The following CCDC148 variants were observed in gnomAD, a reference collection of about 807,000 sequenced individuals.
The protein encoded by CCDC148 is coiled-coil domain containing 148, also known as coiled-coil domain-containing protein 148.
In CCDC148, 89 loss-of-function variants were observed where a neutral mutation model predicts 85.7. That is an observed-to-expected ratio of 1.04 (90% CI 0.87 to 1.24). The LOEUF (loss-of-function observed/expected upper bound fraction) is 1.24. Among genes scored for constraint, CCDC148 ranks in the 50% most tolerant of loss-of-function variants. The pLI, the probability that CCDC148 is intolerant of heterozygous loss-of-function variation, is 0.00. For synonymous variants in CCDC148, 230 were observed against 213.9 expected (o/e 1.08, Z -0.66); for missense variants, 692 against 671.7 (o/e 1.03, Z -0.33).
chr2:158,187,866 A>G (rs1685228840), intron 11 of CCDC148, among the ~76,000 whole-genome samples: 1 of 151,918 alleles, frequency 6.6e-6, no homozygotes, highest in Non-Finnish European at 1.5e-5. Context: ...TTGAGCTTTT[A>G]TTTGTTCTTT....
intron 1 of CCDC148, among the ~76,000 whole-genome samples, chr2:158,451,391 G>A (rs1688398854): frequency 6.6e-6 from 1 of 152,076 alleles, no homozygotes; most frequent in Admixed American, 6.6e-5. Context: ...AATTTTGGAT[G>A]ACATCTGATT....
intron 9 of CCDC148, among the ~76,000 whole-genome samples, chr2:158,278,970 C>T (rs551858166): frequency 1.4e-4 from 22 of 152,272 alleles, no homozygotes; most frequent in African/African-American, 4.3e-4. Context: ...TCATGGCTCA[C>T]GAAAAACCAC....
At chr2:158,380,904 T>C (rs1022195126) in intron 1 of CCDC148, 2 of 152,128 alleles carry the variant, frequency 1.3e-5, no homozygotes, top group African/African-American at 4.8e-5. Flanking sequence ...CCTGGTTCTG[T>C]TGGATACCCA....
At chr2:158,400,529 T>C (rs1574755802) in intron 1 of CCDC148, among the ~76,000 whole-genome samples, 2 of 152,032 alleles carry the variant, frequency 1.3e-5, no homozygotes, top group Admixed American at 1.3e-4. Context: ...AACTGGATCC[T>C]TTCCTTACAC....
intron 13 of CCDC148, among the ~76,000 whole-genome samples, chr2:158,173,748 C>A (rs1209806129): frequency 6.6e-6 from 1 of 152,030 alleles, no homozygotes; most frequent in African/African-American, 2.4e-5. Flanking sequence ...GGTTTTTCCT[C>A]TTCTGTCTCA....
rs777356867 is a variant in CCDC148 at position 158,323,919 on chromosome 2, C to CTTTTTTTT, written c.765-10033_765-10026dup. 4.3e-4 allele frequency among the ~76,000 whole-genome samples: 36 copies of CTTTTTTTT among 82,970 alleles called. 2 individuals are homozygous for CTTTTTTTT. The highest frequency in any genetic ancestry group is 7.6e-4 in the African/African-American group (18 of 23,642). 54.4% of individuals were successfully genotyped at this position (82,970 alleles called of 152,430 possible). A position where few individuals can be genotyped will look rare whatever the true frequency, so the allele number is the denominator to read the frequency against. ...GTCTAATTTCACCACCTGGGAATAA[C>CTTTTTTTT]TTTTTTTTTTTTTTTTTTTTTTTTT... On this transcript the variant is annotated intron_variant, in intron 7 of 13. Coordinates refer to ENST00000283233, the MANE Select transcript of CCDC148 (RefSeq NM_138803.4).
chr2:158,269,859 G>C (rs1689624484), intron 9 of CCDC148, among the ~76,000 whole-genome samples: 1 of 152,146 alleles, frequency 6.6e-6, no homozygotes, highest in South Asian at 2.1e-4. Flanking sequence ...CTCCACTTTA[G>C]GTGCTATCCC....
At chr2:158,376,198 A>G (rs1684643276) in intron 1 of CCDC148, among the ~76,000 whole-genome samples, 1 of 152,104 alleles carries the variant, frequency 6.6e-6, no homozygotes, top group South Asian at 2.1e-4. Flanking sequence ...ATCTAGCAAA[A>G]TTTCCTGTCT....
chr2:158,339,028 G>C lies in CCDC148; in HGVS notation c.544C>G (p.Gln182Glu), dbSNP rs1196988940. Residue 182 changes from glutamine (Q) to glutamate (E), a missense_variant, in exon 6 of 14, where the codon CAG (glutamine) becomes GAG (glutamate). Transcript: ENST00000283233. ...TCTGAAAGATCATTTTCTATTCTCTGTTGCTCCAGCCTAAGTCTTTCAAAG... is the reference window on the plus strand; with the variant it reads ...TCTGAAAGATCATTTTCTATTCTCTCTTGCTCCAGCCTAAGTCTTTCAAAG... ...TVFERLRLEQ[Q>E]RIENDLSDWS... is the part of the protein sequence containing the mutation. The C allele has an allele frequency of 6.2e-7, 1 of 1,613,782 alleles. No homozygotes were observed. Among genetic ancestry groups the C allele is most frequent in the South Asian group, 1.1e-5 (1 of 91,066 alleles).
At chr2:158,239,193 A>G (rs1688241886) in intron 10 of CCDC148, among the ~76,000 whole-genome samples, 1 of 152,158 alleles carries the variant, frequency 6.6e-6, no homozygotes, top group African/African-American at 2.4e-5. Flanking sequence ...AAAAATTTAT[A>G]CCTGGAGTTA....
chr2:158,431,945 G>C (rs1416258066), intron 1 of CCDC148, among the ~76,000 whole-genome samples: 1 of 151,802 alleles, frequency 6.6e-6, no homozygotes. Context: ...AATGATACCA[G>C]ATGGAAAAAA....
chr2:158,365,982 TA>T, intron 1 of CCDC148: 1 of 1,414,690 alleles, frequency 7.1e-7, no homozygotes, highest in Non-Finnish European at 9.6e-7. Context: ...CCACTGTAAA[TA>T]ATAAAACAGA....
At chr2:158,322,435 C>G (rs1336506687) in intron 7 of CCDC148, among the ~76,000 whole-genome samples, 1 of 151,834 alleles carries the variant, frequency 6.6e-6, no homozygotes, top group Non-Finnish European at 1.5e-5. Flanking sequence ...CAGGAAAAAT[C>G]AGTAGATATG....
At chr2:158,347,224 G>A (rs940868182) in intron 2 of CCDC148, among the ~76,000 whole-genome samples, 1 of 151,916 alleles carries the variant, frequency 6.6e-6, no homozygotes, top group Admixed American at 6.6e-5. Context: ...GGTACATATT[G>A]TACAAAAAAA....
intron 1 of CCDC148, 92 bp downstream of exon 1, chr2:158,456,323 G>A (rs1305110236): frequency 3.9e-6 from 5 of 1,277,784 alleles, no homozygotes; most frequent in Non-Finnish European, 5.6e-6. Context: ...AGGGAAGGGG[G>A]AGTGGCTGCA....
At chr2:158,403,177 AT>A (rs539306834) in intron 1 of CCDC148, among the ~76,000 whole-genome samples, 198 of 151,842 alleles carry the variant, frequency 1.3e-3, no homozygotes, top group African/African-American at 4.6e-3. Context: ...TACAACAAAT[AT>A]TTTTTTCTTT....
intron 3 of CCDC148, among the ~76,000 whole-genome samples, chr2:158,344,055 C>CA (rs1226024265): frequency 6.6e-6 from 1 of 151,800 alleles, no homozygotes; most frequent in African/African-American, 2.4e-5. Flanking sequence ...TTAAAAAAAA[C>CA]AAAAAACTTT....
At chr2:158,440,972 C>A (rs1053493970) in intron 1 of CCDC148, among the ~76,000 whole-genome samples, 1 of 151,974 alleles carries the variant, frequency 6.6e-6, no homozygotes, top group Non-Finnish European at 1.5e-5. Flanking sequence ...GCTTGACAGG[C>A]GTTCAAGGCT....
At chr2:158,353,171 A>C (rs1683417379) in intron 2 of CCDC148, among the ~76,000 whole-genome samples, 1 of 136,902 alleles carries the variant, frequency 7.3e-6, no homozygotes, top group Admixed American at 7.3e-5. Context: ...GCATCAACTA[A>C]CGAGCAAAAT....
Sources: allele counts gnomAD v4.1 joint callset (sites outside exome capture counted in the v4.1 genomes callset), GRCh38; gene constraint gnomAD v4.1.1; transcripts MANE v1.5; gene names NCBI Gene and HGNC (gene_info 2026-07-23, HGNC 2026-07-21).